Variants in CDH12 observed in about 807,000 individuals in gnomAD.
The protein encoded by CDH12 is cadherin 12.
Under a neutral mutation model 74.1 loss-of-function variants are expected in CDH12, and 41 were observed. The observed-to-expected ratio is 0.55, with a 90% confidence interval of 0.43 to 0.72. The LOEUF (loss-of-function observed/expected upper bound fraction) is 0.72, where lower values mean the gene tolerates loss of function less well. CDH12 is among the 30% of genes least tolerant of loss of function. The pLI is 0.00. For synonymous variants in CDH12, 399 were observed against 355.0 expected (o/e 1.12, Z -1.39); for missense variants, 945 against 977.2 (o/e 0.97, Z 0.44).
At chr5:22,702,682 A>G (rs923771489) in intron 1 of CDH12, among the ~76,000 whole-genome samples, 1 of 152,022 alleles carries the variant, frequency 6.6e-6, no homozygotes, top group Admixed American at 6.6e-5. Context: ...TAGTCTATCA[A>G]ATCTCTTTAT....
chr5:22,162,654 A>G lies in CDH12; in HGVS notation c.-187+49844T>C, dbSNP rs998205614. ...TTTATTTTTAAAAATAACATCATGCATATATTAAGTTTATTTGTAATAAAC... is the reference window on the plus strand; with the variant it reads ...TTTATTTTTAAAAATAACATCATGCGTATATTAAGTTTATTTGTAATAAAC... On this transcript the variant is annotated intron_variant, in intron 4 of 14. Transcript: ENST00000382254. Among the ~76,000 whole-genome samples the G allele has an allele frequency of 1.0e-3, 157 of 152,212 alleles. 1 individual carries two copies. Among genetic ancestry groups the G allele is most frequent in the African/African-American group, 3.7e-3 (153 of 41,542 alleles).
At chr5:22,838,486 T>A (rs1424948585) in intron 1 of CDH12, among the ~76,000 whole-genome samples, 1 of 152,166 alleles carries the variant, frequency 6.6e-6, no homozygotes, top group Admixed American at 6.5e-5. Context: ...TCATAAAATT[T>A]AGAATGGGCT....
intron 6 of CDH12, among the ~76,000 whole-genome samples, chr5:21,965,842 T>G (rs1288518838): frequency 6.6e-6 from 1 of 152,152 alleles, no homozygotes; most frequent in Non-Finnish European, 1.5e-5. Context: ...AAAATGAATA[T>G]TTTAATCCAA....
At chr5:21,755,980 T>A in intron 13 of CDH12, 138 bp from the exon 14 acceptor site, 1 of 761,458 alleles carries the variant, frequency 1.3e-6, no homozygotes, top group Non-Finnish European at 2.1e-6. Flanking sequence ...CTGTTCACAT[T>A]ATGAAAACTG....
intron 1 of CDH12, among the ~76,000 whole-genome samples, chr5:22,545,699 T>C (rs905313829): frequency 6.6e-6 from 1 of 152,204 alleles, no homozygotes; most frequent in Non-Finnish European, 1.5e-5. Context: ...TTTTGTACAT[T>C]TTAAATGATG....
chr5:21,986,955 C>T (rs1171042434), intron 5 of CDH12, among the ~76,000 whole-genome samples: 1 of 151,916 alleles, frequency 6.6e-6, no homozygotes, highest in Non-Finnish European at 1.5e-5. Context: ...TTCAAATAGT[C>T]CCAAGTGCAA....
chr5:22,117,233 T>A (rs1266889900), intron 4 of CDH12, among the ~76,000 whole-genome samples: 1 of 150,364 alleles, frequency 6.7e-6, no homozygotes, highest in East Asian at 2.0e-4. Context: ...TATACTAAAT[T>A]ATTTCTAGTA....
In CDH12 at chr5:22,526,109, T is replaced by C. The variant is rs186497513; in HGVS notation, c.-522-20745A>G. ...TCTTCACTAATATGAAAAATATTTA[T>C]AGAGTGTCTATTATATGTTAGTCTA... On this transcript the variant is annotated intron_variant, in intron 1 of 14. Transcript: ENST00000382254. Among the ~76,000 whole-genome samples the C allele has an allele frequency of 3.6e-3, 544 of 152,282 alleles. 15 individuals carry two copies. Among genetic ancestry groups the C allele is most frequent in the Admixed American group, 0.032 (490 of 15,266 alleles).
chr5:21,800,370 T>A (rs907354591), intron 10 of CDH12, among the ~76,000 whole-genome samples: 4 of 152,022 alleles, frequency 2.6e-5, no homozygotes, highest in African/African-American at 9.7e-5. Flanking sequence ...ATGATATGTA[T>A]CCCCCCAAAA....
chr5:22,342,493 G>A (rs1561328044), intron 3 of CDH12, among the ~76,000 whole-genome samples: 1 of 151,602 alleles, frequency 6.6e-6, no homozygotes, highest in Non-Finnish European at 1.5e-5. Context: ...AAATGTCTAT[G>A]TCCCCTGGTA....
chr5:21,857,576 G>A (rs1387745920), intron 6 of CDH12, among the ~76,000 whole-genome samples: 2 of 151,736 alleles, frequency 1.3e-5, no homozygotes, highest in Admixed American at 6.6e-5. Flanking sequence ...GTCACTCAAA[G>A]GGAATAAATA....
chr5:21,949,375 A>G (rs1332410579), intron 6 of CDH12, among the ~76,000 whole-genome samples: 3 of 149,958 alleles, frequency 2.0e-5, no homozygotes, highest in Non-Finnish European at 4.4e-5. Flanking sequence ...GCGTGAACCC[A>G]GGAGGCGGAG....
intron 6 of CDH12, among the ~76,000 whole-genome samples, chr5:21,894,006 T>G (rs1753008077): frequency 6.6e-6 from 1 of 152,058 alleles, no homozygotes; most frequent in Non-Finnish European, 1.5e-5. Context: ...AGGTGCTGAG[T>G]TAGGTGCTAG....
At chr5:21,994,406 A>G (rs3950913) in intron 5 of CDH12, among the ~76,000 whole-genome samples, 2,633 of 152,222 alleles carry the variant, frequency 0.017, 81 homozygotes, top group African/African-American at 0.06. Flanking sequence ...CTTACTCTGA[A>G]TTTGTTTTTG....
intron 3 of CDH12, among the ~76,000 whole-genome samples, chr5:22,387,467 C>T (rs1168265056): frequency 6.6e-6 from 1 of 151,976 alleles, no homozygotes; most frequent in Non-Finnish European, 1.5e-5. Context: ...CCCTATCCAC[C>T]TTTGTTAGAG....
chr5:22,315,515 A>T (rs1240810066), intron 3 of CDH12, among the ~76,000 whole-genome samples: 1 of 152,164 alleles, frequency 6.6e-6, no homozygotes, highest in East Asian at 1.9e-4. Context: ...GAACTTATTA[A>T]GAAAATGTAG....
chr5:22,007,293 T>C (rs1580103478), intron 5 of CDH12, among the ~76,000 whole-genome samples: 1 of 152,186 alleles, frequency 6.6e-6, no homozygotes, highest in Non-Finnish European at 1.5e-5. Context: ...ATGTATTGTA[T>C]AGAGTGCTTG....
At chr5:22,719,531 T>C (rs909835618) in intron 1 of CDH12, among the ~76,000 whole-genome samples, 1 of 152,136 alleles carries the variant, frequency 6.6e-6, no homozygotes, top group African/African-American at 2.4e-5. Flanking sequence ...GTGGCATTTC[T>C]TGGGCCAGGT....
intron 3 of CDH12, among the ~76,000 whole-genome samples, chr5:22,374,408 G>C (rs1741433817): frequency 6.6e-6 from 1 of 152,144 alleles, no homozygotes; most frequent in African/African-American, 2.4e-5. Context: ...ACAAGATAAA[G>C]TTGTCCACTT....
Sources: allele counts gnomAD v4.1 joint callset (sites outside exome capture counted in the v4.1 genomes callset), GRCh38; gene constraint gnomAD v4.1.1; transcripts MANE v1.5; gene names NCBI Gene and HGNC (gene_info 2026-07-23, HGNC 2026-07-21).